PDIA4: variants seen among roughly 807,000 people sequenced by gnomAD.
PDIA4 encodes the protein protein disulfide isomerase family A member 4, also known as protein disulfide-isomerase A4.
In PDIA4, 33 loss-of-function variants were observed where a neutral mutation model predicts 62.1. The ratio of observed to expected loss-of-function variants is 0.53; its 90% confidence interval spans 0.40 to 0.71. The LOEUF is 0.71. Among genes scored for constraint, PDIA4 ranks in the 30% least tolerant of loss-of-function variants. The pLI is 0.00. For synonymous variants in PDIA4, 341 were observed against 324.1 expected, an observed-to-expected ratio of 1.05 and a Z score of -0.56; for missense variants, 804 against 813.6, an observed-to-expected ratio of 0.99 and a Z score of 0.14.
intron 4 of PDIA4, among the ~76,000 whole-genome samples, chr7:149,013,404 C>T (rs1044103822): frequency 3.3e-5 from 5 of 152,164 alleles, no homozygotes; most frequent in African/African-American, 4.8e-5. Flanking sequence ...TTGGCTGGCA[C>T]AGTAGTTCAT....
At position 149,003,972 on chromosome 7, in the gene PDIA4, G is replaced by A; in HGVS notation, c.1760C>T (p.Ala587Val). Residue 587 changes from alanine to valine, a missense_variant, in exon 10 of 10, where the codon GCC becomes GTC. Ala to Val is a moderately conservative substitution (Grantham distance 64). Coordinates refer to ENST00000652332, the MANE Select transcript of PDIA4 (RefSeq NM_004911.5). ...GLVIAKMDAT[A>V]NDVPSDRYKV... is the part of the protein sequence containing the mutation. ...ATAGCGGTCGCTGGGGACGTCGTTG[G>A]CAGTGGCGTCCATCTTGGCGATGAC... 1.2e-6 allele frequency: 2 copies of A among 1,613,310 alleles called. No individual in the cohort carries two copies. The highest frequency in any genetic ancestry group is 1.7e-6 in the Non-Finnish European group (2 of 1,179,340).
At chr7:149,023,414 A>G (rs1275740819) in intron 1 of PDIA4, among the ~76,000 whole-genome samples, 1 of 152,198 alleles carries the variant, frequency 6.6e-6, no homozygotes, top group Non-Finnish European at 1.5e-5. Context: ...TGCTGATGTC[A>G]TTAAGACTAA....
At chr7:149,021,291 C>G (rs982421949) in intron 1 of PDIA4, 144 bp from the exon 2 acceptor site, 14 of 726,392 alleles carry the variant, frequency 1.9e-5, no homozygotes, top group Non-Finnish European at 1.8e-5. Flanking sequence ...GAGTTCAAGA[C>G]CAGCCTGGCC....
At chr7:149,009,663 G>A (rs1823878654) in intron 6 of PDIA4, among the ~76,000 whole-genome samples, 2 of 152,218 alleles carry the variant, frequency 1.3e-5, no homozygotes, top group African/African-American at 4.8e-5. Flanking sequence ...ACTAGAGAGT[G>A]AGTAGTTAAG....
chr7:149,013,242 C>A (rs544149597), intron 4 of PDIA4, among the ~76,000 whole-genome samples: 1 of 152,028 alleles, frequency 6.6e-6, no homozygotes, highest in Non-Finnish European at 1.5e-5. Context: ...AGCAGGACTC[C>A]GTCTCAAAAA....
rs113922139 is a variant in PDIA4, at chr7:149,003,743, T to C, written c.*51A>G. On this transcript the variant is annotated 3_prime_UTR_variant, in exon 10 of 10. Transcript: ENST00000652332. ...GGCCTCGGCGTGGACGCCCCGACCA[T>C]GGGCCACGCAGGGCGTCTGCCTCCT... 2.1e-4 allele frequency: 282 copies of C among 1,367,854 alleles called. No individual in the cohort carries two copies. In the African/African-American group the frequency reaches 3.9e-3, roughly 19 times the overall value. 84.7% of individuals were successfully genotyped at this position (1,367,854 alleles called of 1,614,324 possible). A position where few individuals can be genotyped will look rare whatever the true frequency, so the allele number is the denominator to read the frequency against.
chr7:149,023,558 A>G (rs1585431221), intron 1 of PDIA4, among the ~76,000 whole-genome samples: 1 of 151,724 alleles, frequency 6.6e-6, no homozygotes, highest in African/African-American at 2.4e-5. Context: ...ATCCATATCC[A>G]CTCTCACTAC....
intron 3 of PDIA4, among the ~76,000 whole-genome samples, chr7:149,016,526 C>CTT (rs559372851): frequency 6.9e-6 from 1 of 145,812 alleles, no homozygotes; most frequent in Admixed American, 6.9e-5. Context: ...ACACTAGTAC[C>CTT]TTTTTTTTTT....
chr7:149,016,447 T>C (rs1209867249), intron 3 of PDIA4, among the ~76,000 whole-genome samples: 1 of 152,082 alleles, frequency 6.6e-6, no homozygotes, highest in Non-Finnish European at 1.5e-5. Context: ...AAAATCTCTC[T>C]CAGACAGATA....
intron 4 of PDIA4, 122 bp from the exon 5 acceptor site, chr7:149,012,482 G>A (rs935880415): frequency 8.9e-6 from 7 of 784,658 alleles, no homozygotes; most frequent in African/African-American, 3.5e-5. Flanking sequence ...GTAAGCCTCC[G>A]AATGCCTCCT....
Position 149,003,854 on chromosome 7 carries a change from A to T in PDIA4, c.1878T>A (p.His626Gln). The change falls in exon 10 of 10, where the codon CAT becomes CAA. Residue 626 changes from histidine (H) to glutamine (Q), a missense_variant. Transcript: ENST00000652332. ...KFEGGDRDLE[H>Q]LSKFIEEHAT... ...CATGTTCTTCTATAAACTTGCTCAA[A>T]TGCTCCAGATCTCTGTCTCCACCCT... 6.2e-7 allele frequency: 1 copy of T among 1,606,076 alleles called. No homozygotes were observed. Among genetic ancestry groups the T allele is most frequent in the Non-Finnish European group, 8.5e-7 (1 of 1,176,910 alleles).
intron 1 of PDIA4, 102 bp from the exon 2 acceptor site, chr7:149,021,249 G>C (rs569087901): frequency 8.7e-7 from 1 of 1,145,244 alleles, no homozygotes; most frequent in South Asian, 1.5e-5. Context: ...CCAGCACTTT[G>C]GGAGGCTGAG....
At chr7:149,021,870 C>A (rs1215157614) in intron 1 of PDIA4, among the ~76,000 whole-genome samples, 1 of 152,156 alleles carries the variant, frequency 6.6e-6, no homozygotes, top group East Asian at 1.9e-4. Context: ...GGCCTCGCTC[C>A]TGTAGCTCGG....
chr7:149,024,460 T>C (rs1273871916), intron 1 of PDIA4, among the ~76,000 whole-genome samples: 1 of 152,066 alleles, frequency 6.6e-6, no homozygotes, highest in Non-Finnish European at 1.5e-5. Context: ...GTCCACATTT[T>C]AGTGGGGGAA....
intron 6 of PDIA4, among the ~76,000 whole-genome samples, chr7:149,009,768 G>A (rs946669953): frequency 6.6e-6 from 1 of 152,212 alleles, no homozygotes; most frequent in Non-Finnish European, 1.5e-5. Context: ...GTGTTCCAAT[G>A]AGATGTCACA....
Position 149,028,505 on chromosome 7 carries a change from C to G in PDIA4, c.-97G>C. 4 of 841,116 alleles carry G rather than the reference C, an allele frequency of 4.8e-6. No homozygotes were observed. The highest frequency in any genetic ancestry group is 6.9e-6 in the Non-Finnish European group (4 of 582,334). 52.1% of individuals were successfully genotyped at this position (841,116 alleles called of 1,614,324 possible). ...GACAGCCCGTCGCTCCTTAGCGACGCGGGGGAGCCGGAAAAACCCACGGAA... is the reference window on the plus strand; with the variant it reads ...GACAGCCCGTCGCTCCTTAGCGACGGGGGGGAGCCGGAAAAACCCACGGAA... On this transcript the variant is annotated 5_prime_UTR_variant, in exon 1 of 10. Transcript: ENST00000652332.
chr7:149,005,134 G>A lies in PDIA4; in HGVS notation c.1522+7C>T. ...ATGGGAGACCCCAGCCCCAGCCACG[G>A]GCTCACCTTTTTTGAAAGCAGTGAC... On this transcript the variant is annotated splice_region_variant and intron_variant, in intron 9 of 9. Transcript: ENST00000652332. 2 of 1,606,700 alleles carry A rather than the reference G, an allele frequency of 1.2e-6. No individual in the cohort carries two copies. The highest frequency in any genetic ancestry group is 1.7e-6 in the Non-Finnish European group (2 of 1,173,304).
intron 1 of PDIA4, among the ~76,000 whole-genome samples, chr7:149,024,813 T>TCAAAAAAA (rs1824486010): frequency 1.9e-5 from 1 of 53,518 alleles, no homozygotes; most frequent in African/African-American, 5.4e-5. Flanking sequence ...AGACTGTCAT[T>TCAAAAAAA]TAAAAAAAAA....
At chr7:149,005,395 T>C (rs758636837) in intron 8 of PDIA4, 21 bp from the exon 9 acceptor site, 2 of 1,545,960 alleles carry the variant, frequency 1.3e-6, no homozygotes, top group East Asian at 2.2e-5. Context: ...CCAAGGGCCA[T>C]AAGCCAGGCG....
Sources: allele counts gnomAD v4.1 joint callset (sites outside exome capture counted in the v4.1 genomes callset), GRCh38; gene constraint gnomAD v4.1.1; transcripts MANE v1.5; gene names NCBI Gene and HGNC (gene_info 2026-07-23, HGNC 2026-07-21).